The following PTPRO variants were observed in gnomAD, a reference collection of about 807,000 sequenced individuals.
The protein encoded by PTPRO is receptor-type tyrosine-protein phosphatase O.
PTPRO carries 62 observed loss-of-function variants against 145.2 expected under a neutral mutation model. That is an observed-to-expected ratio of 0.43 (90% CI 0.35 to 0.53). The LOEUF is 0.53. PTPRO is among the 20% of genes least tolerant of loss of function. The pLI is 0.01. For missense variants in PTPRO, 1,345 were observed against 1,482.7 expected, an observed-to-expected ratio of 0.91 and a Z score of 1.53; for synonymous variants, 565 against 514.7, an observed-to-expected ratio of 1.10 and a Z score of -1.32.
chr12:15,565,682 C>T (rs933167116), intron 18 of PTPRO, 54 bp downstream of exon 18: 33 of 1,237,388 alleles, frequency 2.7e-5, no homozygotes, highest in South Asian at 1.4e-4. Flanking sequence ...ATAATCTTAA[C>T]GTTCCAATTA....
intron 2 of PTPRO, among the ~76,000 whole-genome samples, chr12:15,495,922 A>C (rs1448964965): frequency 6.6e-6 from 1 of 152,050 alleles, no homozygotes; most frequent in Non-Finnish European, 1.5e-5. Flanking sequence ...GGGGGAAGTT[A>C]ATCTACAACA....
At chr12:15,354,921 A>G (rs563184671) in intron 1 of PTPRO, among the ~76,000 whole-genome samples, 1 of 152,318 alleles carries the variant, frequency 6.6e-6, no homozygotes, top group African/African-American at 2.4e-5. Context: ...AAAGGTCCCT[A>G]AAGACCCAAA....
chr12:15,490,953 A>G (rs545749032), intron 2 of PTPRO, among the ~76,000 whole-genome samples: 24 of 152,334 alleles, frequency 1.6e-4, no homozygotes, highest in Non-Finnish European at 3.2e-4. Flanking sequence ...AGGGAGAATA[A>G]TTTAGAAAGT....
At chr12:15,590,533 G>A (rs1038223236) in intron 25 of PTPRO, among the ~76,000 whole-genome samples, 2 of 152,122 alleles carry the variant, frequency 1.3e-5, no homozygotes, top group Non-Finnish European at 2.9e-5. Context: ...ACCACTAGAT[G>A]TCAGTATCAC....
intron 12 of PTPRO, among the ~76,000 whole-genome samples, chr12:15,533,947 C>T (rs183054881): frequency 1.5e-3 from 229 of 152,162 alleles, no homozygotes; most frequent in Non-Finnish European, 1.4e-3. Flanking sequence ...AACCAAACTA[C>T]CAATGAGTCC....
At chr12:15,498,128 A>T (rs1942146345) in intron 3 of PTPRO, among the ~76,000 whole-genome samples, 2 of 152,182 alleles carry the variant, frequency 1.3e-5, no homozygotes, top group Non-Finnish European at 2.9e-5. Flanking sequence ...CTGTAACTGG[A>T]AACATGTATT....
chr12:15,444,524 T>A (rs1276075133), intron 1 of PTPRO, among the ~76,000 whole-genome samples: 1 of 151,890 alleles, frequency 6.6e-6, no homozygotes, highest in Non-Finnish European at 1.5e-5. Context: ...TAAAGGCAAA[T>A]CCTCCATTGA....
At chr12:15,334,459 T>A (rs1484904777) in intron 1 of PTPRO, among the ~76,000 whole-genome samples, 2 of 152,154 alleles carry the variant, frequency 1.3e-5, no homozygotes, top group Non-Finnish European at 2.9e-5. Context: ...ACCTGAATTG[T>A]CCAGATTTTC....
chr12:15,494,578 C>T (rs1942063374), intron 2 of PTPRO, among the ~76,000 whole-genome samples: 1 of 152,166 alleles, frequency 6.6e-6, no homozygotes, highest in African/African-American at 2.4e-5. Context: ...ACAGGATTTA[C>T]TGCTGACCTG....
intron 1 of PTPRO, among the ~76,000 whole-genome samples, chr12:15,376,748 G>A (rs941937125): frequency 1.3e-5 from 2 of 152,104 alleles, no homozygotes; most frequent in African/African-American, 4.8e-5. Flanking sequence ...TGGGGTCAGA[G>A]AGTTGTCTAG....
chr12:15,358,978 G>A (rs1293090192), intron 1 of PTPRO, among the ~76,000 whole-genome samples: 2 of 152,172 alleles, frequency 1.3e-5, no homozygotes, highest in Non-Finnish European at 2.9e-5. Context: ...AGTCCAAAAT[G>A]ATCAAGGCAT....
chr12:15,539,359 T>G (rs896343149), intron 12 of PTPRO, among the ~76,000 whole-genome samples: 2 of 152,170 alleles, frequency 1.3e-5, no homozygotes, highest in African/African-American at 4.8e-5. Context: ...GGGAGCTTTC[T>G]CTGAAAAACT....
At chr12:15,548,422 G>T (rs558801841) in intron 13 of PTPRO, among the ~76,000 whole-genome samples, 30 of 152,208 alleles carry the variant, frequency 2.0e-4, no homozygotes, top group African/African-American at 6.5e-4. Context: ...GCAGTTCAAA[G>T]AATGTGACAC....
intron 1 of PTPRO, among the ~76,000 whole-genome samples, chr12:15,384,769 T>G (rs890393422): frequency 6.6e-6 from 1 of 152,210 alleles, no homozygotes; most frequent in African/African-American, 2.4e-5. Flanking sequence ...AGAATTTGAG[T>G]GGTTTAAAAC....
Position 15,589,445 on chromosome 12 carries a change from T to C in PTPRO, c.3411-10T>C. ...TCTGAATAATATGCCATCGGAACAT[T>C]CTTTTGCAGTGCTGGCGTGGGACGG... On this transcript the variant is annotated splice_polypyrimidine_tract_variant and intron_variant, in intron 24 of 26. Transcript: ENST00000281171. The C allele has an allele frequency of 6.2e-7, 1 of 1,613,902 alleles. No homozygotes were observed. The highest frequency in any genetic ancestry group is 1.3e-5 in the African/African-American group (1 of 74,978).
chr12:15,323,789 T>G (rs1314640550), intron 1 of PTPRO, among the ~76,000 whole-genome samples: 1 of 152,170 alleles, frequency 6.6e-6, no homozygotes, highest in Non-Finnish European at 1.5e-5. Flanking sequence ...GGTTAATGGA[T>G]CCAAAGGTTT....
intron 1 of PTPRO, among the ~76,000 whole-genome samples, chr12:15,450,685 A>G (rs1941021968): frequency 6.6e-6 from 1 of 151,930 alleles, no homozygotes; most frequent in South Asian, 2.1e-4. Context: ...GGGTGGGAGG[A>G]TTGCTTGAGC....
chr12:15,343,833 G>A (rs1867098719), intron 1 of PTPRO, among the ~76,000 whole-genome samples: 1 of 152,118 alleles, frequency 6.6e-6, no homozygotes, highest in African/African-American at 2.4e-5. Flanking sequence ...AGAGGCGCCT[G>A]CCACCACGCC....
intron 1 of PTPRO, among the ~76,000 whole-genome samples, chr12:15,438,916 C>T (rs1940676744): frequency 6.6e-6 from 1 of 152,088 alleles, no homozygotes; most frequent in South Asian, 2.1e-4. Context: ...ACCATGTAGT[C>T]ACCAGATTGA....
Sources: allele counts gnomAD v4.1 joint callset (sites outside exome capture counted in the v4.1 genomes callset), GRCh38; gene constraint gnomAD v4.1.1; transcripts MANE v1.5; gene names NCBI Gene and HGNC (gene_info 2026-07-23, HGNC 2026-07-21).